Variants in FAT3 observed in about 807,000 individuals in gnomAD.
The protein encoded by FAT3 is FAT atypical cadherin 3.
FAT3 carries 95 observed loss-of-function variants against 310.2 expected under a neutral mutation model. The observed-to-expected ratio is 0.31, with a 90% CI of 0.26 to 0.36. The LOEUF (loss-of-function observed/expected upper bound fraction) is 0.36. FAT3 is among the 10% of genes least tolerant of loss of function. FAT3 has a pLI of 1.00. For synonymous variants in FAT3, 2,314 were observed against 2,192.9 expected, an observed-to-expected ratio of 1.06 and a Z score of -1.54; for missense variants, 5,408 against 5,715.6, an observed-to-expected ratio of 0.95 and a Z score of 1.74.
chr11:92,341,091 C>T (rs1412382312), intron 1 of FAT3, among the ~76,000 whole-genome samples: 1 of 152,166 alleles, frequency 6.6e-6, no homozygotes, highest in Non-Finnish European at 1.5e-5. Context: ...GGATAGTAAC[C>T]CTGTCCTGGA....
chr11:92,320,387 A>T (rs1196579230), intron 1 of FAT3, among the ~76,000 whole-genome samples: 1 of 152,016 alleles, frequency 6.6e-6, no homozygotes, highest in East Asian at 1.9e-4. Context: ...TTATGGAACT[A>T]ACAGTTTGGA....
chr11:92,867,729 C>A (rs1440999636), intron 22 of FAT3, among the ~76,000 whole-genome samples: 1 of 152,162 alleles, frequency 6.6e-6, no homozygotes, highest in Non-Finnish European at 1.5e-5. Context: ...TTGGAACATA[C>A]TTTTGCAATG....
At chr11:92,399,681 T>G (rs1203054078) in intron 2 of FAT3, among the ~76,000 whole-genome samples, 1 of 152,160 alleles carries the variant, frequency 6.6e-6, no homozygotes, top group Non-Finnish European at 1.5e-5. Flanking sequence ...CATGGGTTCG[T>G]ATTTTACAGA....
At chr11:92,228,338 C>G (rs990720538) in intron 1 of FAT3, among the ~76,000 whole-genome samples, 1 of 152,152 alleles carries the variant, frequency 6.6e-6, no homozygotes, top group African/African-American at 2.4e-5. Flanking sequence ...AGGACCCAGT[C>G]TGTCTGTTAA....
chr11:92,712,777 G>T (rs567487199), intron 4 of FAT3, among the ~76,000 whole-genome samples: 1 of 152,308 alleles, frequency 6.6e-6, no homozygotes, highest in South Asian at 2.1e-4. Flanking sequence ...GACAAGGGCA[G>T]TTCCGAAACT....
At chr11:92,685,715 C>A (rs1277416928) in intron 3 of FAT3, among the ~76,000 whole-genome samples, 1 of 151,842 alleles carries the variant, frequency 6.6e-6, no homozygotes, top group Non-Finnish European at 1.5e-5. Flanking sequence ...AGCCTGGGCT[C>A]TTAAAAGGTA....
intron 2 of FAT3, chr11:92,366,929 C>T: frequency 1.9e-6 from 1 of 531,284 alleles, no homozygotes; most frequent in Non-Finnish European, 3.8e-6. Context: ...CTGGGCCTCG[C>T]CATGCTTTGC....
chr11:92,259,860 G>GT (rs1240142078), intron 1 of FAT3, among the ~76,000 whole-genome samples: 1 of 152,106 alleles, frequency 6.6e-6, no homozygotes, highest in East Asian at 1.9e-4. Context: ...TTTTCAACCT[G>GT]CTTTCATCTC....
intron 2 of FAT3, among the ~76,000 whole-genome samples, chr11:92,492,704 T>A (rs2135242292): frequency 6.6e-6 from 1 of 152,186 alleles, no homozygotes; most frequent in African/African-American, 2.4e-5. Flanking sequence ...CTAAATCTGG[T>A]ACCAACCCTG....
intron 3 of FAT3, among the ~76,000 whole-genome samples, chr11:92,537,549 A>G (rs1392112729): frequency 6.6e-6 from 1 of 152,076 alleles, no homozygotes; most frequent in Non-Finnish European, 1.5e-5. Context: ...TCTCTCTTCC[A>G]GGAATTTATT....
chr11:92,757,898 A>C (rs1482736104), intron 4 of FAT3, among the ~76,000 whole-genome samples: 3 of 152,144 alleles, frequency 2.0e-5, no homozygotes, highest in Non-Finnish European at 4.4e-5. Flanking sequence ...AGTGGCTAAA[A>C]ATCATTCTGC....
chr11:92,476,882 T>C (rs1318965406), intron 2 of FAT3, among the ~76,000 whole-genome samples: 2 of 152,238 alleles, frequency 1.3e-5, no homozygotes, highest in African/African-American at 4.8e-5. Flanking sequence ...GTATATTTCC[T>C]GTGACTTTCT....
intron 2 of FAT3, among the ~76,000 whole-genome samples, chr11:92,489,299 A>G (rs1007750916): frequency 6.6e-6 from 1 of 152,144 alleles, no homozygotes; most frequent in Non-Finnish European, 1.5e-5. Context: ...TATATATTTG[A>G]TGAATGAATG....
At chr11:92,385,922 G>T (rs1306601486) in intron 2 of FAT3, among the ~76,000 whole-genome samples, 5 of 151,998 alleles carry the variant, frequency 3.3e-5, no homozygotes, top group African/African-American at 1.2e-4. Context: ...AAGGTGGGCG[G>T]ATCACTTGAG....
intron 1 of FAT3, among the ~76,000 whole-genome samples, chr11:92,256,193 G>T (rs1270016835): frequency 1.3e-5 from 2 of 151,720 alleles, no homozygotes; most frequent in African/African-American, 4.9e-5. Flanking sequence ...TCTATCTTTT[G>T]GCACAGTAAA....
rs1188622335 is a variant in FAT3 at position 92,880,884 on chromosome 11, C to A, written c.12281C>A (p.Thr4094Lys). The A allele has an allele frequency of 6.2e-7, 1 of 1,613,118 alleles. No individual in the cohort carries two copies. The highest frequency in any genetic ancestry group is 2.2e-5 in the East Asian group (1 of 44,872). Residue 4094 changes from threonine (T) to lysine (K), a missense_variant and splice_region_variant, in exon 23 of 28, where the codon ACG becomes AAG. Thr to Lys is a moderately conservative substitution (Grantham distance 78, BLOSUM62 -1). Coordinates refer to ENST00000525166, the MANE Select transcript of FAT3 (RefSeq NM_001367949.2). Reference protein sequence around the residue: ...CNCKAGLTGVTCEEDINECER... With the variant: ...CNCKAGLTGVKCEEDINECER... Reference sequence around the variant, plus strand: ...TGTAAAGCTGGGCTCACTGGAGTCACGTAAGTGAGATTACATAAGTGTCTT... The same window carrying A: ...TGTAAAGCTGGGCTCACTGGAGTCAAGTAAGTGAGATTACATAAGTGTCTT...
intron 1 of FAT3, among the ~76,000 whole-genome samples, chr11:92,269,335 T>A (rs938198224): frequency 2.0e-5 from 3 of 152,116 alleles, no homozygotes; most frequent in African/African-American, 7.2e-5. Context: ...ATCATTTAGG[T>A]CTGTGTTCAC....
intron 7 of FAT3, among the ~76,000 whole-genome samples, chr11:92,779,033 T>A (rs1259510576): frequency 6.6e-6 from 1 of 152,116 alleles, no homozygotes; most frequent in Middle Eastern, 3.2e-3. Flanking sequence ...TGAGTGAGGA[T>A]GTCTGAAGGG....
intron 2 of FAT3, among the ~76,000 whole-genome samples, chr11:92,409,334 A>C (rs749018826): frequency 4.6e-5 from 7 of 152,092 alleles, no homozygotes; most frequent in Non-Finnish European, 8.8e-5. Flanking sequence ...TAAAGAGATA[A>C]GCATATTTTT....
Sources: allele counts gnomAD v4.1 joint callset (sites outside exome capture counted in the v4.1 genomes callset), GRCh38; gene constraint gnomAD v4.1.1; transcripts MANE v1.5; gene names NCBI Gene and HGNC (gene_info 2026-07-23, HGNC 2026-07-21).